DOP1B: variants seen among roughly 807,000 people sequenced by gnomAD.
DOP1B encodes the protein protein DOP1B.
DOP1B carries 174 observed loss-of-function variants against 233.5 expected under a neutral mutation model. The ratio of observed to expected loss-of-function variants is 0.75; its 90% CI spans 0.66 to 0.85. The LOEUF (loss-of-function observed/expected upper bound fraction) is 0.85, where lower values mean the gene tolerates loss of function less well. Among genes scored for constraint, DOP1B ranks in the 40% least tolerant of loss-of-function variants. The pLI is 0.00. For missense variants in DOP1B, 2,652 were observed against 2,846.6 expected (o/e 0.93, Z 1.56); for synonymous variants, 1,190 against 1,185.6 (o/e 1.00, Z -0.08).
Position 36,237,272 on chromosome 21 carries a change from G to C in DOP1B, c.2633G>C (p.Arg878Pro), listed in dbSNP as rs140431407. Reference protein sequence around the residue: ...EKTDFYQRVARVLWNQLNKET... With the variant: ...EKTDFYQRVAPVLWNQLNKET... Reference sequence around the variant, plus strand: ...TTTTCCTTGTCCCAGAGGGTGGCTCGTGTGCTTTGGAATCAGCTGAACAAA... The same window carrying C: ...TTTTCCTTGTCCCAGAGGGTGGCTCCTGTGCTTTGGAATCAGCTGAACAAA... The change falls in exon 16 of 37, where the codon CGT becomes CCT. Residue 878 changes from arginine to proline, a missense_variant. This residue lies in a region of DOP1B where 2,617 missense variants were observed against 2,794.3 expected (regional missense o/e 0.94). Transcript: ENST00000691173. The C allele has an allele frequency of 1.9e-6, 3 of 1,613,986 alleles. No homozygotes were observed. The highest frequency in any genetic ancestry group is 2.5e-6 in the Non-Finnish European group (3 of 1,180,036).
At chr21:36,261,580 T>C (rs2284634) in intron 24 of DOP1B, 536,066 of 984,890 alleles carry the variant, frequency 0.54, 146,629 homozygotes, top group African/African-American at 0.67. Flanking sequence ...TTACAATGGC[T>C]GCATCCCAGG....
intron 21 of DOP1B, among the ~76,000 whole-genome samples, chr21:36,250,740 C>T (rs1348720103): frequency 6.6e-6 from 1 of 152,106 alleles, no homozygotes; most frequent in Non-Finnish European, 1.5e-5. Flanking sequence ...GAATATAAGC[C>T]CTTCCGCAGC....
intron 2 of DOP1B, among the ~76,000 whole-genome samples, chr21:36,166,254 G>A (rs1364862111): frequency 6.6e-6 from 1 of 151,620 alleles, no homozygotes; most frequent in Non-Finnish European, 1.5e-5. Flanking sequence ...GGCTAACGCG[G>A]TGAAACCCTG....
chr21:36,157,368 G>A (rs2065829200), intron 1 of DOP1B, among the ~76,000 whole-genome samples: 1 of 152,210 alleles, frequency 6.6e-6, no homozygotes, highest in East Asian at 1.9e-4. Context: ...TGGGGAGGAG[G>A]CTGGGGACGC....
intron 2 of DOP1B, among the ~76,000 whole-genome samples, chr21:36,175,478 A>T (rs893076618): frequency 6.6e-6 from 1 of 151,916 alleles, no homozygotes; most frequent in South Asian, 2.1e-4. Flanking sequence ...GCTTCATTCT[A>T]CTTTGATTAC....
chr21:36,269,686 A>G (rs1330155155), intron 26 of DOP1B, among the ~76,000 whole-genome samples: 1 of 150,062 alleles, frequency 6.7e-6, no homozygotes, highest in Non-Finnish European at 1.5e-5. Context: ...TGCCCAGCTA[A>G]TTTTTGTATT....
intron 11 of DOP1B, among the ~76,000 whole-genome samples, chr21:36,224,940 G>A (rs1251675822): frequency 1.3e-5 from 2 of 152,008 alleles, no homozygotes; most frequent in African/African-American, 4.8e-5. Flanking sequence ...GCCCAGCCTC[G>A]TTCCCTTGGA....
At chr21:36,201,814 A>G (rs924895762) in intron 4 of DOP1B, among the ~76,000 whole-genome samples, 1 of 151,696 alleles carries the variant, frequency 6.6e-6, no homozygotes, top group African/African-American at 2.4e-5. Context: ...TCATATGCAC[A>G]AAAGTTCATG....
At chr21:36,161,752 G>A (rs8134897) in intron 1 of DOP1B, among the ~76,000 whole-genome samples, 131,271 of 152,186 alleles carry the variant, frequency 0.86, 56,615 homozygotes, top group African/African-American at 0.88. Context: ...GCCGTGCCCA[G>A]TGGCCATTAC....
At position 36,207,494 on chromosome 21, in the gene DOP1B, T is replaced by A. The variant is rs933429322; in HGVS notation, c.492-1221T>A. On this transcript the variant is annotated intron_variant, in intron 4 of 36. Transcript: ENST00000691173. Reference sequence around the variant, plus strand: ...GCCACCACGCCCAGCCAAACAGTTTTTTTTGTTTTTTTTTTTTTTTTTTTT... The same window carrying A: ...GCCACCACGCCCAGCCAAACAGTTTATTTTGTTTTTTTTTTTTTTTTTTTT... Among the ~76,000 whole-genome samples, 428 of 102,236 alleles carry A rather than the reference T, an allele frequency of 4.2e-3. 3 individuals are homozygous for A. The highest frequency in any genetic ancestry group is 0.019 in the African/African-American group (407 of 21,154). 67.1% of individuals were successfully genotyped at this position (102,236 alleles called of 152,430 possible). A position where few individuals can be genotyped will look rare whatever the true frequency, so the allele number is the denominator to read the frequency against.
At chr21:36,169,257 G>A (rs2065947162) in intron 2 of DOP1B, 10 of 872,824 alleles carry the variant, frequency 1.1e-5, no homozygotes, top group Non-Finnish European at 1.9e-5. Flanking sequence ...TTGTCAGACA[G>A]GTCATAGTCC....
chr21:36,252,078 A>G (rs151232669), intron 22 of DOP1B, among the ~76,000 whole-genome samples: 231 of 151,994 alleles, frequency 1.5e-3, no homozygotes, highest in Non-Finnish European at 2.6e-3. Flanking sequence ...TCAAGAGGCT[A>G]AGGTGGGAGG....
chr21:36,164,134 G>A (rs976344283), intron 1 of DOP1B, among the ~76,000 whole-genome samples: 5 of 152,122 alleles, frequency 3.3e-5, no homozygotes, highest in South Asian at 2.1e-4. Flanking sequence ...GGAGAACAAG[G>A]CATGTTGGGT....
intron 7 of DOP1B, among the ~76,000 whole-genome samples, chr21:36,213,043 A>G (rs1005423415): frequency 3.3e-5 from 5 of 152,142 alleles, no homozygotes; most frequent in African/African-American, 1.2e-4. Context: ...CTACCTCCCA[A>G]AGTGCTGGAA....
intron 23 of DOP1B, among the ~76,000 whole-genome samples, chr21:36,258,060 G>T (rs2067128356): frequency 6.6e-6 from 1 of 151,718 alleles, no homozygotes; most frequent in Non-Finnish European, 1.5e-5. Context: ...GATAGATGTA[G>T]GTAGGTAGGT....
In DOP1B at chr21:36,263,792, A is replaced by G; in HGVS notation, c.5465A>G (p.Lys1822Arg). 6.2e-7 allele frequency: 1 copy of G among 1,614,212 alleles called. No individual in the cohort carries two copies. Among genetic ancestry groups the G allele is most frequent in the Non-Finnish European group, 8.5e-7 (1 of 1,180,044 alleles). Residue 1822 changes from lysine to arginine, a missense_variant, in exon 26 of 37, where the codon AAG (lysine) becomes AGG (arginine). Lys to Arg is a conservative substitution (Grantham distance 26). This residue lies in a region of DOP1B where 2,617 missense variants were observed against 2,794.3 expected (regional missense o/e 0.94). Transcript: ENST00000691173. ...FVTRTPNLEN[K>R]KDQKDLQEIT... Reference sequence around the variant, plus strand: ...ACAAGAACTCCCAACCTGGAAAACAAGAAGGACCAAAAAGACCTGCAGGTT... The same window carrying G: ...ACAAGAACTCCCAACCTGGAAAACAGGAAGGACCAAAAAGACCTGCAGGTT...
At position 36,270,765 on chromosome 21, in the gene DOP1B, T is replaced by C. The variant is rs546378241; in HGVS notation, c.5632+608T>C. Reference sequence around the variant, plus strand: ...CCCATCTTAACTAAAAATACAAAAATTAGCCGCGCGTGGTAGTGGGCGCCT... The same window carrying C: ...CCCATCTTAACTAAAAATACAAAAACTAGCCGCGCGTGGTAGTGGGCGCCT... On this transcript the variant is annotated intron_variant, in intron 27 of 36. Coordinates refer to ENST00000691173, the MANE Select transcript of DOP1B (RefSeq NM_001320714.2). Among the ~76,000 whole-genome samples the C allele has an allele frequency of 3.6e-3, 547 of 150,424 alleles. 4 individuals carry two copies. The highest frequency in any genetic ancestry group is 4.3e-3 in the Non-Finnish European group (289 of 67,768).
In DOP1B at chr21:36,176,063, C is replaced by G. The variant is rs570174899; in HGVS notation, c.138+11192C>G. Among the ~76,000 whole-genome samples the G allele has an allele frequency of 1.9e-3, 174 of 90,346 alleles. 1 individual carries two copies. Among genetic ancestry groups the G allele is most frequent in the Non-Finnish European group, 2.7e-3 (109 of 40,464 alleles). 59.3% of individuals were successfully genotyped at this position (90,346 alleles called of 152,430 possible). On this transcript the variant is annotated intron_variant, in intron 2 of 36. Coordinates refer to ENST00000691173, the MANE Select transcript of DOP1B (RefSeq NM_001320714.2). ...TTTAGTCTTGTTCTTGATCCAGGAGCCCAGTGAGGAGCTTCGACTTTGGGG... is the reference window on the plus strand; with the variant it reads ...TTTAGTCTTGTTCTTGATCCAGGAGGCCAGTGAGGAGCTTCGACTTTGGGG...
Position 36,200,377 on chromosome 21 carries a change from C to T in DOP1B, c.367C>T (p.Pro123Ser), listed in dbSNP as rs772436813. The change falls in exon 4 of 37, where the codon CCG (proline) becomes TCG (serine). Residue 123 changes from proline to serine, a missense_variant. Coordinates refer to ENST00000691173, the MANE Select transcript of DOP1B (RefSeq NM_001320714.2). Reference sequence around the variant, plus strand: ...GGCACACGCGGCGGTGTCGGTGAGGCCGGTGCTGCTCACCCTGTACGAGAA... The same window carrying T: ...GGCACACGCGGCGGTGTCGGTGAGGTCGGTGCTGCTCACCCTGTACGAGAA... ...LLAHAAVSVRPVLLTLYEKYF... is the reference protein window; with the variant it reads ...LLAHAAVSVRSVLLTLYEKYF... 5.6e-6 allele frequency: 9 copies of T among 1,612,802 alleles called. No individual in the cohort carries two copies. The highest frequency in any genetic ancestry group is 7.6e-6 in the Non-Finnish European group (9 of 1,179,680).
Sources: allele counts gnomAD v4.1 joint callset (sites outside exome capture counted in the v4.1 genomes callset), GRCh38; gene constraint gnomAD v4.1.1; regional missense constraint gnomAD v4.1.1; transcripts MANE v1.5; gene names NCBI Gene and HGNC (gene_info 2026-07-23, HGNC 2026-07-21).